CHRM3: variants seen among roughly 807,000 people sequenced by gnomAD.
The protein encoded by CHRM3 is muscarinic acetylcholine receptor M3.
CHRM3 carries 11 observed loss-of-function variants against 41.8 expected under a neutral mutation model. That is an observed-to-expected ratio of 0.26 (90% CI 0.17 to 0.44). The LOEUF (loss-of-function observed/expected upper bound fraction) is 0.44. Ranked by LOEUF, CHRM3 falls within the 20% of genes least tolerant of loss-of-function variation. CHRM3 has a pLI of 1.00. For missense variants in CHRM3, 571 were observed against 745.4 expected, an observed-to-expected ratio of 0.77 and a Z score of 2.72; for synonymous variants, 297 against 301.4, an observed-to-expected ratio of 0.99 and a Z score of 0.15.
At chr1:239,621,499 A>C in intron 3 of CHRM3, among the ~76,000 whole-genome samples, 1 of 152,338 alleles carries the variant, frequency 6.6e-6, no homozygotes, top group African/African-American at 2.4e-5. Flanking sequence ...GTGAATGCAA[A>C]GGAAAAGTTC....
intron 3 of CHRM3, among the ~76,000 whole-genome samples, chr1:239,561,144 A>T (rs905501426): frequency 6.6e-6 from 1 of 151,804 alleles, no homozygotes; most frequent in Non-Finnish European, 1.5e-5. Context: ...CCGCAGGACC[A>T]CTCTTGTGCT....
intron 5 of CHRM3, among the ~76,000 whole-genome samples, chr1:239,713,237 A>G (rs1289346048): frequency 6.6e-6 from 1 of 152,078 alleles, no homozygotes; most frequent in Non-Finnish European, 1.5e-5. Context: ...TTCCAGTTAT[A>G]CTGTTTATTA....
At chr1:239,884,217 T>A (rs1677879951) in intron 6 of CHRM3, among the ~76,000 whole-genome samples, 1 of 152,166 alleles carries the variant, frequency 6.6e-6, no homozygotes, top group African/African-American at 2.4e-5. Flanking sequence ...GAGGAAGAGA[T>A]CATCCTGGAT....
At chr1:239,440,092 G>T (rs1663592381) in intron 1 of CHRM3, among the ~76,000 whole-genome samples, 1 of 151,806 alleles carries the variant, frequency 6.6e-6, no homozygotes, top group Admixed American at 6.6e-5. Context: ...CAGCTACTCA[G>T]GAAGCTGAGG....
At chr1:239,514,810 T>A (rs1253422913) in intron 2 of CHRM3, among the ~76,000 whole-genome samples, 1 of 152,098 alleles carries the variant, frequency 6.6e-6, no homozygotes, top group African/African-American at 2.4e-5. Flanking sequence ...CTCAGTCCTC[T>A]CATTCTGACT....
At chr1:239,718,683 A>G (rs1662638512) in intron 5 of CHRM3, 1 of 151,984 alleles carries the variant, frequency 6.6e-6, no homozygotes, top group Non-Finnish European at 1.5e-5. Context: ...ATTAGTAAAA[A>G]TAAGAAGTGA....
chr1:239,437,534 A>ATTT (rs1005923254), intron 1 of CHRM3, among the ~76,000 whole-genome samples: 5 of 151,840 alleles, frequency 3.3e-5, no homozygotes, highest in African/African-American at 4.8e-5. Flanking sequence ...CTTTCTTTTT[A>ATTT]TTTTTATTTT....
intron 6 of CHRM3, among the ~76,000 whole-genome samples, chr1:239,858,094 A>G (rs907370498): frequency 8.5e-5 from 13 of 152,206 alleles, no homozygotes; most frequent in African/African-American, 2.9e-4. Flanking sequence ...AAAGAGCAAG[A>G]TGACTTCACT....
At chr1:239,901,461 T>C (rs1220765621) in intron 6 of CHRM3, among the ~76,000 whole-genome samples, 1 of 152,166 alleles carries the variant, frequency 6.6e-6, no homozygotes, top group African/African-American at 2.4e-5. Context: ...CATGTAAATC[T>C]TTCTATCCTT....
intron 5 of CHRM3, among the ~76,000 whole-genome samples, chr1:239,750,448 G>C (rs556722775): frequency 6.6e-6 from 1 of 152,162 alleles, no homozygotes; most frequent in African/African-American, 2.4e-5. Flanking sequence ...CATCATTCAA[G>C]CAACTCTCCG....
intron 6 of CHRM3, among the ~76,000 whole-genome samples, chr1:239,868,155 T>G (rs1366033011): frequency 3.9e-5 from 6 of 152,324 alleles, no homozygotes; most frequent in African/African-American, 1.4e-4. Flanking sequence ...AAGGTACTAT[T>G]GTGTGGGTGA....
chr1:239,672,819 G>T (rs957788954), intron 4 of CHRM3, among the ~76,000 whole-genome samples: 1 of 152,088 alleles, frequency 6.6e-6, no homozygotes, highest in Non-Finnish European at 1.5e-5. Context: ...TAAACTTAGG[G>T]AGTGCCTGTG....
chr1:239,652,964 A>G lies in CHRM3; in HGVS notation c.-250+20678A>G, dbSNP rs151143437. Among the ~76,000 whole-genome samples, 884 of 152,342 alleles carry G rather than the reference A, an allele frequency of 5.8e-3. 12 individuals carry two copies. The highest frequency in any genetic ancestry group is 0.02 in the African/African-American group (834 of 41,582). Reference sequence around the variant, plus strand: ...ATAACATGAAGTGTTGATATATATCATTTATAATAATATATGGTCTAAATG... The same window carrying G: ...ATAACATGAAGTGTTGATATATATCGTTTATAATAATATATGGTCTAAATG... On this transcript the variant is annotated intron_variant, in intron 4 of 6. Coordinates refer to ENST00000676153, the MANE Select transcript of CHRM3 (RefSeq NM_001375978.1).
intron 1 of CHRM3, among the ~76,000 whole-genome samples, chr1:239,426,449 T>C (rs1260759327): frequency 2.7e-5 from 4 of 146,114 alleles, no homozygotes; most frequent in Non-Finnish European, 4.5e-5. Flanking sequence ...TAGCACGCCA[T>C]TGCTTCGAAC....
intron 3 of CHRM3, among the ~76,000 whole-genome samples, chr1:239,620,848 A>G (rs2148812947): frequency 6.6e-6 from 1 of 152,278 alleles, no homozygotes; most frequent in East Asian, 1.9e-4. Flanking sequence ...AGAAATATAT[A>G]GTACTGTTTC....
At chr1:239,465,268 G>A (rs977014996) in intron 1 of CHRM3, among the ~76,000 whole-genome samples, 3 of 152,074 alleles carry the variant, frequency 2.0e-5, no homozygotes, top group Non-Finnish European at 4.4e-5. Flanking sequence ...AGGTAACAAG[G>A]AGAACTTTCT....
At chr1:239,614,271 C>A (rs1667390169) in intron 3 of CHRM3, among the ~76,000 whole-genome samples, 2 of 152,148 alleles carry the variant, frequency 1.3e-5, no homozygotes, top group African/African-American at 4.8e-5. Flanking sequence ...CCTGCCTGTG[C>A]TTTCCTAGAG....
rs374084847 is a variant in CHRM3 at position 239,401,111 on chromosome 1, G to A, written c.-521+13884G>A. On this transcript the variant is annotated intron_variant, in intron 1 of 6. Coordinates refer to ENST00000676153, the MANE Select transcript of CHRM3 (RefSeq NM_001375978.1). Reference sequence around the variant, plus strand: ...TGGGAGGGACTGAAACATTCCCACAGTCTTAGGGACAGGCCTAGACCGTGT... The same window carrying A: ...TGGGAGGGACTGAAACATTCCCACAATCTTAGGGACAGGCCTAGACCGTGT... Among the ~76,000 whole-genome samples, 21 of 152,270 alleles carry A rather than the reference G, an allele frequency of 1.4e-4. No homozygotes were observed. The South Asian group carries it at 4.4e-3, about 32-fold the overall frequency.
chr1:239,710,776 G>C (rs111499299), intron 5 of CHRM3, among the ~76,000 whole-genome samples: 1 of 151,148 alleles, frequency 6.6e-6, no homozygotes, highest in Non-Finnish European at 1.5e-5. Context: ...AGGCTTTAAG[G>C]CCTTAATAAA....
Sources: gnomAD v4.1 joint callset for allele counts (sites outside exome capture counted in the v4.1 genomes callset) on GRCh38, gnomAD v4.1.1 for gene constraint, MANE v1.5 for transcripts, NCBI Gene and HGNC (gene_info 2026-07-23, HGNC 2026-07-21) for gene names.